Variants in CSNK1G2 observed in about 807,000 individuals in gnomAD.
CSNK1G2 encodes casein kinase 1 gamma 2.
Under a neutral mutation model 48.0 loss-of-function variants are expected in CSNK1G2, and 11 were observed. The observed-to-expected ratio is 0.23, with a 90% confidence interval of 0.14 to 0.38. CSNK1G2 has a LOEUF of 0.38. Among genes scored for constraint, CSNK1G2 ranks in the 10% least tolerant of loss-of-function variants. CSNK1G2 has a pLI of 1.00. For missense variants in CSNK1G2, 446 were observed against 595.5 expected (o/e 0.75, Z 2.61); for synonymous variants, 337 against 254.1 (o/e 1.33, Z -3.10).
At chr19:1,955,503 GGC>G (rs1253294268) in intron 1 of CSNK1G2, among the ~76,000 whole-genome samples, 69 of 147,656 alleles carry the variant, frequency 4.7e-4, no homozygotes, top group African/African-American at 1.2e-3. Context: ...CCGCGGGGTG[GGC>G]GTGTGCCAGG....
chr19:1,961,227 G>A (rs964248498), intron 1 of CSNK1G2, among the ~76,000 whole-genome samples: 1 of 152,238 alleles, frequency 6.6e-6, no homozygotes, highest in Non-Finnish European at 1.5e-5. Flanking sequence ...GGCTGTTCCC[G>A]TGGCTCTCAT....
chr19:1,951,389 T>G (rs111785884), intron 1 of CSNK1G2, among the ~76,000 whole-genome samples: 2,989 of 141,536 alleles, frequency 0.021, 491 homozygotes, highest in African/African-American at 0.079. Context: ...GGCGACAGAG[T>G]GAGACTCCGT....
rs138279203 is a variant in CSNK1G2, at chr19:1,968,223, C to G, written c.-265-1285C>G. On this transcript the variant is annotated intron_variant, in intron 1 of 11. Transcript: ENST00000255641. The stretch of plus-strand genomic sequence containing the variant: ...CCCTCCTCCCCAGGCTGCCCCAGAC[C>G]ACCCTTCAGTTCTGCAGGTGGGGCT... Among the ~76,000 whole-genome samples the G allele has an allele frequency of 2.1e-3, 132 of 62,082 alleles. 23 individuals carry two copies. The highest frequency in any genetic ancestry group is 0.016 in the African/African-American group (116 of 7,072). The allele number at this position is 62,082 out of a possible 152,430, so 40.7% of individuals were successfully genotyped here. A position where few individuals can be genotyped will look rare whatever the true frequency, so the allele number is the denominator to read the frequency against.
intron 1 of CSNK1G2, among the ~76,000 whole-genome samples, chr19:1,944,312 G>A (rs552516934): frequency 1.1e-4 from 17 of 152,258 alleles, no homozygotes; most frequent in Middle Eastern, 3.4e-3. Context: ...CAGTCTGGAG[G>A]CTCCCTAGGT....
intron 1 of CSNK1G2, among the ~76,000 whole-genome samples, chr19:1,945,964 G>A (rs1271027377): frequency 6.6e-6 from 1 of 152,200 alleles, no homozygotes; most frequent in Non-Finnish European, 1.5e-5. Flanking sequence ...GGGGCAGGCA[G>A]CCCAGTGGAG....
chr19:1,964,422 G>A (rs1312936498), intron 1 of CSNK1G2, among the ~76,000 whole-genome samples: 1 of 152,172 alleles, frequency 6.6e-6, no homozygotes, highest in Non-Finnish European at 1.5e-5. Flanking sequence ...AGAAGAAACA[G>A]CCTTCTGGAA....
rs192731056 is a variant in CSNK1G2, at chr19:1,957,842, G to A, written c.-265-11666G>A. 7.6e-4 allele frequency among the ~76,000 whole-genome samples: 115 copies of A among 152,122 alleles called. 2 individuals carry two copies. The East Asian group carries it at 0.014, about 18-fold the overall frequency. On this transcript the variant is annotated intron_variant, in intron 1 of 11. Coordinates refer to ENST00000255641, the MANE Select transcript of CSNK1G2 (RefSeq NM_001319.7). The surrounding 1 kb of genome is among the most constrained non-coding windows in gnomAD (Gnocchi z 5.4). ...CGTGTTTGTGGGGTGGGAGCTAGGC[G>A]GGCGCCGTTTATGTGGGGTGGGCGC...
chr19:1,946,006 A>G (rs376850656), intron 1 of CSNK1G2, among the ~76,000 whole-genome samples: 55 of 152,102 alleles, frequency 3.6e-4, no homozygotes, highest in African/African-American at 1.3e-3. Context: ...GGCCGGCCTG[A>G]CCCGTGGGGT....
At chr19:1,964,716 A>C (rs1039748672) in intron 1 of CSNK1G2, among the ~76,000 whole-genome samples, 3 of 145,804 alleles carry the variant, frequency 2.1e-5, no homozygotes, top group African/African-American at 7.7e-5. Flanking sequence ...TGTTCAGAAA[A>C]AAGTTTTTGT....
chr19:1,974,809 A>C (rs992917455), intron 2 of CSNK1G2: 1 of 152,072 alleles, frequency 6.6e-6, no homozygotes, highest in Non-Finnish European at 1.5e-5. Flanking sequence ...TCCAGGGAGG[A>C]CCCCGCACTC....
chr19:1,968,700 G>T (rs1207294596), intron 1 of CSNK1G2: 1 of 152,516 alleles, frequency 6.6e-6, no homozygotes, highest in Non-Finnish European at 1.5e-5. Flanking sequence ...TTTTCCCCTG[G>T]GGTAGAAGTT....
At chr19:1,970,228 G>A (rs1464777204) in intron 2 of CSNK1G2, among the ~76,000 whole-genome samples, 1 of 152,238 alleles carries the variant, frequency 6.6e-6, no homozygotes, top group African/African-American at 2.4e-5. Context: ...AGCAGGCCAG[G>A]CCACGCCGCA....
intron 2 of CSNK1G2, chr19:1,976,160 C>CA: frequency 8.4e-7 from 1 of 1,188,684 alleles, no homozygotes; most frequent in African/African-American, 1.6e-5. Flanking sequence ...GTTTGGGGCA[C>CA]GGCTCCTGTT....
At position 1,955,525 on chromosome 19, in the gene CSNK1G2, C is replaced by CGGGGTGGGCGTGTGCCAGGGTGAGGCTCT. The variant is rs1568186997; in HGVS notation, c.-265-13982_-265-13981insGGGTGGGCGTGTGCCAGGGTGAGGCTCTG. Among the ~76,000 whole-genome samples, 533 of 148,164 alleles carry CGGGGTGGGCGTGTGCCAGGGTGAGGCTCT rather than the reference C, an allele frequency of 3.6e-3. 1 individual carries two copies. The highest frequency in any genetic ancestry group is 0.013 in the African/African-American group (503 of 38,210). ...GTGGGCGTGTGCCAGGGTGAGGCTC[C>CGGGGTGGGCGTGTGCCAGGGTGAGGCTCT]GCGGGGTGGGCGTGTGCCTGGGCGA... On this transcript the variant is annotated intron_variant, in intron 1 of 11. Transcript: ENST00000255641.
At position 1,957,931 on chromosome 19, in the gene CSNK1G2, G is replaced by A. The variant is rs1240789928; in HGVS notation, c.-265-11577G>A. Among the ~76,000 whole-genome samples, 3 of 152,160 alleles carry A rather than the reference G, an allele frequency of 2.0e-5. No individual in the cohort carries two copies. The highest frequency in any genetic ancestry group is 4.8e-5 in the African/African-American group (2 of 41,428). On this transcript the variant is annotated intron_variant, in intron 1 of 11. Transcript: ENST00000255641. This position sits in a 1 kb window ranked among gnomAD's most constrained non-coding sequence, Gnocchi z 5.4. ...GGCCCCCTGGAGCTGCGGGGCACAC[G>A]GCAGAGCCAGCCTCATGTCACCACG... is the stretch of plus-strand genomic sequence containing the variant.
Position 1,979,255 on chromosome 19 carries a change from G to A in CSNK1G2, c.768+7G>A, listed in dbSNP as rs761260914. ...CCCCTGGCAGGGGCTCAAGGTGGGC[G>A]AGGAGGCCGGGCAGGCGGGCGGGGA... On this transcript the variant is annotated splice_region_variant and intron_variant, in intron 7 of 11. Transcript: ENST00000255641. 7.7e-6 allele frequency: 12 copies of A among 1,561,836 alleles called. No homozygotes were observed. In the East Asian group the frequency reaches 1.4e-4, roughly 19 times the overall value.
chr19:1,970,191 A>T (rs1460777474), intron 2 of CSNK1G2, among the ~76,000 whole-genome samples: 1 of 152,170 alleles, frequency 6.6e-6, no homozygotes, highest in African/African-American at 2.4e-5. Context: ...TTCGGGAAAC[A>T]GTTCTGTTGG....
intron 1 of CSNK1G2, among the ~76,000 whole-genome samples, chr19:1,960,403 A>G (rs2015158781): frequency 6.6e-6 from 1 of 152,168 alleles, no homozygotes; most frequent in African/African-American, 2.4e-5. Flanking sequence ...TCGTCGAGAA[A>G]GGCAGGCAGT....
intron 1 of CSNK1G2, among the ~76,000 whole-genome samples, chr19:1,946,169 G>A (rs958789772): frequency 6.6e-6 from 1 of 152,184 alleles, no homozygotes; most frequent in Non-Finnish European, 1.5e-5. Context: ...TGTGTCTCAG[G>A]CCGCGCAGAG....
Sources: allele counts gnomAD v4.1 joint callset (sites outside exome capture counted in the v4.1 genomes callset), GRCh38; gene constraint gnomAD v4.1.1; non-coding constraint Gnocchi (gnomAD v3.1); transcripts MANE v1.5; gene names NCBI Gene and HGNC (gene_info 2026-07-23, HGNC 2026-07-21).